KCNH8: variants seen among roughly 807,000 people sequenced by gnomAD.
The protein encoded by KCNH8 is potassium voltage-gated channel subfamily H member 8.
In KCNH8, 70 loss-of-function variants were observed where a neutral mutation model predicts 103.6. The observed-to-expected ratio is 0.68, with a 90% CI of 0.56 to 0.82. The LOEUF (loss-of-function observed/expected upper bound fraction) is 0.82, where lower values mean the gene tolerates loss of function less well. KCNH8 is among the 40% of genes least tolerant of loss of function. The pLI is 0.00. For missense variants in KCNH8, 1,217 were observed against 1,329.9 expected (o/e 0.92, Z 1.32); for synonymous variants, 498 against 489.4 (o/e 1.02, Z -0.23).
chr3:19,313,922 A>G (rs1015559354), intron 3 of KCNH8, among the ~76,000 whole-genome samples: 14 of 151,884 alleles, frequency 9.2e-5, no homozygotes, highest in East Asian at 3.9e-4. Flanking sequence ...CATAAACCCT[A>G]TATATTATAG....
intron 3 of KCNH8, among the ~76,000 whole-genome samples, chr3:19,281,950 G>A (rs537869426): frequency 2.6e-5 from 4 of 152,018 alleles, no homozygotes; most frequent in South Asian, 4.1e-4. Flanking sequence ...TTTGCATTTT[G>A]TATAAGCTGA....
At chr3:19,432,399 A>G (rs977486055) in intron 7 of KCNH8, among the ~76,000 whole-genome samples, 1 of 152,156 alleles carries the variant, frequency 6.6e-6, no homozygotes, top group Non-Finnish European at 1.5e-5. Flanking sequence ...TTTCCTCTCT[A>G]GCTTTTCACC....
chr3:19,336,692 T>G (rs2065589622), intron 3 of KCNH8, among the ~76,000 whole-genome samples: 1 of 151,972 alleles, frequency 6.6e-6, no homozygotes, highest in Admixed American at 6.6e-5. Context: ...GTTTTTAACG[T>G]TTTTCAATGC....
intron 7 of KCNH8, among the ~76,000 whole-genome samples, chr3:19,435,066 A>G (rs1011168067): frequency 4.6e-5 from 7 of 152,112 alleles, no homozygotes; most frequent in African/African-American, 1.4e-4. Context: ...AAAGACAACA[A>G]TGTGAGTTCA....
intron 1 of KCNH8, among the ~76,000 whole-genome samples, chr3:19,227,218 C>T: frequency 6.6e-6 from 1 of 152,222 alleles, no homozygotes; most frequent in East Asian, 1.9e-4. Flanking sequence ...TCTTTAGCAA[C>T]TCTGTTGTCC....
chr3:19,392,333 AAG>A (rs1553587467), intron 6 of KCNH8, among the ~76,000 whole-genome samples: 1 of 147,628 alleles, frequency 6.8e-6, no homozygotes, highest in South Asian at 2.1e-4. Context: ...AAAAAAAAAA[AAG>A]AAAAGAAAAA....
At chr3:19,374,667 T>C (rs1056055243) in intron 5 of KCNH8, among the ~76,000 whole-genome samples, 3 of 152,172 alleles carry the variant, frequency 2.0e-5, no homozygotes, top group African/African-American at 4.8e-5. Flanking sequence ...CTGGTTCTTT[T>C]GCTGGTTAGT....
At chr3:19,347,645 A>G in intron 4 of KCNH8, 80 bp from the exon 5 acceptor site, 4 of 1,529,114 alleles carry the variant, frequency 2.6e-6, no homozygotes, top group Non-Finnish European at 3.6e-6. Context: ...CCTACTCACA[A>G]AAGTGTGTGT....
chr3:19,441,061 C>G (rs1218286012), intron 8 of KCNH8, among the ~76,000 whole-genome samples: 1 of 152,130 alleles, frequency 6.6e-6, no homozygotes, highest in Non-Finnish European at 1.5e-5. Flanking sequence ...GGACTGCCTG[C>G]TCTGGTGTGC....
intron 3 of KCNH8, among the ~76,000 whole-genome samples, chr3:19,317,985 G>T (rs1050763860): frequency 1.3e-5 from 2 of 151,928 alleles, no homozygotes; most frequent in Non-Finnish European, 2.9e-5. Flanking sequence ...CGGCAATCAG[G>T]CAAGAAAGAG....
chr3:19,475,200 A>G (rs1488879682), intron 11 of KCNH8, among the ~76,000 whole-genome samples: 1 of 152,190 alleles, frequency 6.6e-6, no homozygotes, highest in Non-Finnish European at 1.5e-5. Context: ...ATTTTGCTAA[A>G]TGAAAATAAT....
intron 15 of KCNH8, among the ~76,000 whole-genome samples, chr3:19,527,623 C>T (rs927514526): frequency 1.3e-5 from 2 of 152,016 alleles, no homozygotes; most frequent in Non-Finnish European, 2.9e-5. Flanking sequence ...ATTTCTAAAC[C>T]AACAGAAGTT....
At chr3:19,389,687 G>C (rs1026148996) in intron 5 of KCNH8, among the ~76,000 whole-genome samples, 2 of 152,044 alleles carry the variant, frequency 1.3e-5, no homozygotes, top group African/African-American at 4.8e-5. Context: ...GGAGTGCATG[G>C]TGCAATCATG....
At chr3:19,444,247 C>T (rs2067328923) in intron 8 of KCNH8, among the ~76,000 whole-genome samples, 1 of 152,044 alleles carries the variant, frequency 6.6e-6, no homozygotes, top group Non-Finnish European at 1.5e-5. Context: ...GTTGTCACTT[C>T]ATTTGTGATA....
intron 14 of KCNH8, among the ~76,000 whole-genome samples, chr3:19,516,097 G>A (rs1352252910): frequency 6.6e-6 from 1 of 152,090 alleles, no homozygotes; most frequent in East Asian, 1.9e-4. Context: ...TAGTGAACAT[G>A]TGTTGAATAG....
chr3:19,316,412 A>G lies in KCNH8; in HGVS notation c.443-26175A>G, dbSNP rs186356701. 2.7e-4 allele frequency among the ~76,000 whole-genome samples: 41 copies of G among 152,086 alleles called. 1 individual carries two copies. Among genetic ancestry groups the G allele is most frequent in the African/African-American group, 7.7e-4 (32 of 41,536 alleles). On this transcript the variant is annotated intron_variant, in intron 3 of 15. Transcript: ENST00000328405. The stretch of plus-strand genomic sequence containing the variant: ...TATACAACAACCAGGCCATAACTCT[A>G]TAACATACAAGATTAAGGAATAGAA...
At chr3:19,284,756 G>T (rs2064807438) in intron 3 of KCNH8, among the ~76,000 whole-genome samples, 1 of 151,832 alleles carries the variant, frequency 6.6e-6, no homozygotes, top group African/African-American at 2.4e-5. Context: ...TTCGGTATCA[G>T]TTAGGAAATA....
chr3:19,253,667 C>G lies in KCNH8; in HGVS notation c.90C>G (p.Ile30Met), dbSNP rs919051762. ...TRFDGTHSNF[I>M]LANAQVAKGF... The stretch of plus-strand genomic sequence containing the variant: ...GTTTTTCTATAGATAGCAACTTCAT[C>G]CTTGCCAATGCCCAGGTGGCTAAGG... Residue 30 changes from isoleucine (I) to methionine (M), a missense_variant, in exon 2 of 16, where the codon ATC becomes ATG. Ile to Met is a conservative substitution (Grantham distance 10). This residue lies in a region of KCNH8 where 244 missense variants were observed against 256.8 expected (regional missense o/e 0.95). Transcript: ENST00000328405. The G allele has an allele frequency of 6.2e-7, 1 of 1,612,764 alleles. No individual in the cohort carries two copies. Among genetic ancestry groups the G allele is most frequent in the African/African-American group, 1.3e-5 (1 of 74,736 alleles).
chr3:19,301,404 TA>T (rs1190218028), intron 3 of KCNH8, among the ~76,000 whole-genome samples: 1 of 149,522 alleles, frequency 6.7e-6, no homozygotes, highest in Non-Finnish European at 1.5e-5. Context: ...TAAATATATA[TA>T]ATTTTATGCT....
Sources: gnomAD v4.1 joint callset for allele counts (sites outside exome capture counted in the v4.1 genomes callset) on GRCh38, gnomAD v4.1.1 for gene constraint, gnomAD v4.1.1 regional missense constraint, MANE v1.5 for transcripts, NCBI Gene and HGNC (gene_info 2026-07-23, HGNC 2026-07-21) for gene names.